The following CDC14B variants were observed in gnomAD, a reference collection of about 807,000 sequenced individuals.
CDC14B encodes the protein dual specificity protein phosphatase CDC14B.
A neutral mutation model predicts 64.2 loss-of-function variants in CDC14B; 22 were observed. The observed-to-expected ratio is 0.34, with a 90% confidence interval of 0.24 to 0.49. The LOEUF (loss-of-function observed/expected upper bound fraction) is 0.49, where lower values mean the gene tolerates loss of function less well. CDC14B is among the 20% of genes least tolerant of loss of function. CDC14B has a pLI of 0.99. For missense variants in CDC14B, 498 were observed against 629.9 expected, an observed-to-expected ratio of 0.79 and a Z score of 2.24; for synonymous variants, 191 against 215.8, an observed-to-expected ratio of 0.89 and a Z score of 1.01.
rs1277483806 is a variant in CDC14B at position 96,502,725 on chromosome 9, A to C, written c.*1028T>G. On this transcript the variant is annotated 3_prime_UTR_variant, in exon 14 of 14. Transcript: ENST00000375241. ...AGTTACTAGTTGTGTTCCCTAACCA[A>C]AGGCAACAGTGAGATCCAGAAGCAG... The C allele has an allele frequency of 5.1e-6, 2 of 396,024 alleles. No homozygotes were observed. The highest frequency in any genetic ancestry group is 2.1e-5 in the African/African-American group (1 of 48,464). 24.5% of individuals were successfully genotyped at this position (396,024 alleles called of 1,614,324 possible).
At chr9:96,587,684 G>A (rs1449955774) in intron 1 of CDC14B, among the ~76,000 whole-genome samples, 1 of 152,162 alleles carries the variant, frequency 6.6e-6, no homozygotes, top group Admixed American at 6.5e-5. Context: ...GATGACATAG[G>A]TCTTAGCACC....
intron 1 of CDC14B, among the ~76,000 whole-genome samples, chr9:96,580,635 T>A (rs1845090627): frequency 6.6e-6 from 1 of 152,124 alleles, no homozygotes. Context: ...ACCCAGCCAA[T>A]CCCTCTATTG....
In CDC14B at chr9:96,575,483, C is replaced by T. The variant is rs58175673; in HGVS notation, c.161-10000G>A. Among the ~76,000 whole-genome samples, 658 of 152,060 alleles carry T rather than the reference C, an allele frequency of 4.3e-3. 5 individuals are homozygous for T. Among genetic ancestry groups the T allele is most frequent in the African/African-American group, 0.015 (620 of 41,476 alleles). Reference sequence around the variant, plus strand: ...TTGTAAGTTCTTTTTTTAAGGGAGGCACTAGAAGAACTATATAAGTTTTCA... The same window carrying T: ...TTGTAAGTTCTTTTTTTAAGGGAGGTACTAGAAGAACTATATAAGTTTTCA... On this transcript the variant is annotated intron_variant, in intron 1 of 13. Coordinates refer to ENST00000375241, the MANE Select transcript of CDC14B (RefSeq NM_033331.4).
At chr9:96,567,128 T>A in intron 1 of CDC14B, 1 of 546,240 alleles carries the variant, frequency 1.8e-6, no homozygotes, top group Non-Finnish European at 3.1e-6. Context: ...CGGGGCGGCC[T>A]GTGCCAACCA....
intron 1 of CDC14B, among the ~76,000 whole-genome samples, chr9:96,578,381 A>T (rs1844930940): frequency 6.6e-6 from 1 of 152,200 alleles, no homozygotes; most frequent in Non-Finnish European, 1.5e-5. Flanking sequence ...ACTTGTTTCG[A>T]AGAATACAGT....
chr9:96,615,409 T>C (rs928813035), intron 1 of CDC14B, among the ~76,000 whole-genome samples: 58 of 152,312 alleles, frequency 3.8e-4, no homozygotes, highest in African/African-American at 1.3e-3. Context: ...TTAAGCATCC[T>C]ATATTAAATA....
chr9:96,526,063 A>G (rs1240217823), intron 9 of CDC14B, among the ~76,000 whole-genome samples: 1 of 151,998 alleles, frequency 6.6e-6, no homozygotes, highest in African/African-American at 2.4e-5. Flanking sequence ...GGACTGTTGT[A>G]CTTCTAAGAA....
chr9:96,531,440 C>A (rs751957915), intron 9 of CDC14B, among the ~76,000 whole-genome samples: 1 of 152,078 alleles, frequency 6.6e-6, no homozygotes, highest in South Asian at 2.1e-4. Flanking sequence ...ATCATTTTTA[C>A]GTACTGATCA....
At chr9:96,617,911 G>A (rs1392328292) in intron 1 of CDC14B, among the ~76,000 whole-genome samples, 1 of 152,140 alleles carries the variant, frequency 6.6e-6, no homozygotes, top group Non-Finnish European at 1.5e-5. Flanking sequence ...TCCGTCCTCG[G>A]CGAGGCCCTC....
intron 6 of CDC14B, among the ~76,000 whole-genome samples, chr9:96,540,716 C>T (rs1256221114): frequency 6.6e-6 from 1 of 152,070 alleles, no homozygotes; most frequent in Non-Finnish European, 1.5e-5. Context: ...AGTGTGCCTG[C>T]CTGCATGAGC....
At chr9:96,579,679 G>A (rs1422020153) in intron 1 of CDC14B, among the ~76,000 whole-genome samples, 1 of 152,052 alleles carries the variant, frequency 6.6e-6, no homozygotes, top group Non-Finnish European at 1.5e-5. Context: ...GCGGCAGTCT[G>A]CAAGCCAAGG....
At chr9:96,525,210 C>T (rs915872404) in intron 9 of CDC14B, among the ~76,000 whole-genome samples, 11 of 152,000 alleles carry the variant, frequency 7.2e-5, no homozygotes, top group Admixed American at 5.9e-4. Flanking sequence ...AAGAGATTAC[C>T]TAGACTTAAT....
chr9:96,585,748 T>G (rs939845782), intron 1 of CDC14B, among the ~76,000 whole-genome samples: 4 of 152,204 alleles, frequency 2.6e-5, no homozygotes, highest in Non-Finnish European at 5.9e-5. Flanking sequence ...ACCCAGACAT[T>G]CTACTCCTAA....
At chr9:96,609,558 G>A (rs894266846) in intron 1 of CDC14B, among the ~76,000 whole-genome samples, 2 of 152,126 alleles carry the variant, frequency 1.3e-5, no homozygotes, top group African/African-American at 4.8e-5. Flanking sequence ...TAATTCCATA[G>A]CACCATTCAT....
At chr9:96,528,392 C>T (rs879654818) in intron 9 of CDC14B, among the ~76,000 whole-genome samples, 3 of 152,010 alleles carry the variant, frequency 2.0e-5, no homozygotes, top group African/African-American at 7.3e-5. Flanking sequence ...TGTCATGGTG[C>T]GTGCCTGTCA....
At chr9:96,519,363 C>T (rs1161858566) in intron 12 of CDC14B, among the ~76,000 whole-genome samples, 2 of 152,034 alleles carry the variant, frequency 1.3e-5, no homozygotes, top group East Asian at 3.9e-4. Context: ...TCATTGTAGT[C>T]AGGATCAGAC....
rs867889117 is a variant in CDC14B, at chr9:96,541,882, AG to A, written c.507del (p.Tyr170MetfsTer17). 4.4e-6 allele frequency: 7 copies of A among 1,608,002 alleles called. No homozygotes were observed. Among genetic ancestry groups the A allele is most frequent in the Non-Finnish European group, 6.0e-6 (7 of 1,175,950 alleles). On this transcript the variant is annotated frameshift_variant, in exon 6 of 14. Coordinates refer to ENST00000375241, the MANE Select transcript of CDC14B (RefSeq NM_033331.4). Reference protein sequence around the residue: ...ETSYIPFRDAAYGSCNFYITL... With the variant: ...ETSYIPFRDAXYGSCNFYITL... ...GTAATGTAGAAATTGCAACTTCCAT[AG>A]GCAGCATCTCTGAAACCCAAGAGTA...
chr9:96,552,233 G>A (rs1482349129), intron 4 of CDC14B, among the ~76,000 whole-genome samples: 1 of 152,214 alleles, frequency 6.6e-6, no homozygotes, highest in African/African-American at 2.4e-5. Flanking sequence ...GCAGCGTGTA[G>A]GAGATGGGGA....
intron 11 of CDC14B, 21 bp downstream of exon 11, chr9:96,523,240 C>T (rs1267138474): frequency 2.5e-6 from 4 of 1,612,918 alleles, no homozygotes; most frequent in Non-Finnish European, 3.4e-6. Context: ...AACAACATCG[C>T]AACAGAAACG....
Sources: gnomAD v4.1 joint callset for allele counts (sites outside exome capture counted in the v4.1 genomes callset) on GRCh38, gnomAD v4.1.1 for gene constraint, MANE v1.5 for transcripts, NCBI Gene and HGNC (gene_info 2026-07-23, HGNC 2026-07-21) for gene names.